RPS6KA2: variants seen among roughly 807,000 people sequenced by gnomAD.
RPS6KA2 encodes ribosomal protein S6 kinase A2.
In RPS6KA2, 42 loss-of-function variants were observed where a neutral mutation model predicts 91.8. The ratio of observed to expected loss-of-function variants is 0.46; its 90% confidence interval spans 0.36 to 0.59. The LOEUF (loss-of-function observed/expected upper bound fraction) is 0.59. RPS6KA2 is among the 20% of genes least tolerant of loss of function. The pLI, the probability that RPS6KA2 is intolerant of heterozygous loss-of-function variation, is 0.00. For synonymous variants in RPS6KA2, 414 were observed against 393.6 expected, an observed-to-expected ratio of 1.05 and a Z score of -0.61; for missense variants, 798 against 978.5, an observed-to-expected ratio of 0.82 and a Z score of 2.46.
intron 2 of RPS6KA2, among the ~76,000 whole-genome samples, chr6:166,755,275 G>A (rs778995171): frequency 4.6e-5 from 7 of 151,954 alleles, no homozygotes; most frequent in Admixed American, 6.6e-5. Context: ...TCTGCTTTCC[G>A]TTTTAGCCTT....
intron 2 of RPS6KA2, among the ~76,000 whole-genome samples, chr6:166,819,676 T>C (rs1388822924): frequency 6.6e-6 from 1 of 152,216 alleles, no homozygotes; most frequent in Non-Finnish European, 1.5e-5. Flanking sequence ...ATTACCTGAA[T>C]TTCATGGAGA....
intron 2 of RPS6KA2, among the ~76,000 whole-genome samples, chr6:166,842,636 G>A (rs937988713): frequency 3.9e-5 from 6 of 152,306 alleles, no homozygotes; most frequent in African/African-American, 1.2e-4. Context: ...TAACGGACCC[G>A]AAGGGCTTTC....
At position 166,423,242 on chromosome 6, in the gene RPS6KA2, C is replaced by T. The variant is rs372710804; in HGVS notation, c.1743+14G>A. 97 of 1,600,094 alleles carry T rather than the reference C, an allele frequency of 6.1e-5. No homozygotes were observed. Among genetic ancestry groups the T allele is most frequent in the Middle Eastern group, 3.3e-4 (2 of 5,990 alleles). ...GGATAGAGAGGCCTGGGTCTGCAGT[C>T]GGGGAATGCTCACCTCCGGGGCCAC... is the stretch of plus-strand genomic sequence containing the variant. On this transcript the variant is annotated intron_variant, in intron 17 of 20. Coordinates refer to ENST00000265678, the MANE Select transcript of RPS6KA2 (RefSeq NM_021135.6). The surrounding 1 kb of genome is among the most constrained non-coding windows in gnomAD (Gnocchi z 4.8).
At chr6:166,805,763 GA>G (rs1469175777) in intron 2 of RPS6KA2, among the ~76,000 whole-genome samples, 2 of 152,038 alleles carry the variant, frequency 1.3e-5, no homozygotes, top group African/African-American at 4.8e-5. Context: ...TCATTCAAAG[GA>G]AAAAAATAAA....
chr6:166,788,749 C>T (rs1778997545), intron 2 of RPS6KA2, among the ~76,000 whole-genome samples: 1 of 152,044 alleles, frequency 6.6e-6, no homozygotes. Context: ...GGGCTTAAAA[C>T]CTAGATGACA....
chr6:166,583,838 C>A (rs1431138908), intron 1 of RPS6KA2, among the ~76,000 whole-genome samples: 1 of 152,202 alleles, frequency 6.6e-6, no homozygotes, highest in African/African-American at 2.4e-5. Flanking sequence ...TTTTCTACAG[C>A]ATTTTACTTC....
At chr6:166,480,657 G>A (rs564132332) in intron 10 of RPS6KA2, among the ~76,000 whole-genome samples, 7 of 151,720 alleles carry the variant, frequency 4.6e-5, no homozygotes, top group Admixed American at 3.3e-4. Flanking sequence ...TGGGATTACA[G>A]GCACCCATCA....
At chr6:166,538,168 G>T (rs1410123979) in intron 2 of RPS6KA2, among the ~76,000 whole-genome samples, 1 of 152,200 alleles carries the variant, frequency 6.6e-6, no homozygotes, top group Non-Finnish European at 1.5e-5. Flanking sequence ...TTTAGTGGGT[G>T]GGGAAGCTGA....
intron 3 of RPS6KA2, among the ~76,000 whole-genome samples, chr6:166,519,108 C>T (rs910896310): frequency 1.3e-5 from 2 of 152,246 alleles, no homozygotes; most frequent in African/African-American, 2.4e-5. Flanking sequence ...TGAGTACGTT[C>T]AAGCCGCCTC....
chr6:166,836,212 T>A (rs1780312255), intron 2 of RPS6KA2, among the ~76,000 whole-genome samples: 1 of 152,098 alleles, frequency 6.6e-6, no homozygotes, highest in Non-Finnish European at 1.5e-5. Context: ...TTTGTTTTTG[T>A]TTTTCTTGTA....
intron 1 of RPS6KA2, chr6:166,586,473 G>A: frequency 6.3e-7 from 1 of 1,597,628 alleles, no homozygotes. Context: ...GGCAGTGTCA[G>A]TCATTCTGAA....
chr6:166,721,355 T>C (rs1053739077), intron 2 of RPS6KA2, among the ~76,000 whole-genome samples: 1 of 152,200 alleles, frequency 6.6e-6, no homozygotes, highest in African/African-American at 2.4e-5. Flanking sequence ...AGAATTCATC[T>C]GACGGCCAGG....
chr6:166,645,548 C>T (rs962019285), intron 2 of RPS6KA2, among the ~76,000 whole-genome samples: 2 of 152,196 alleles, frequency 1.3e-5, no homozygotes, highest in Non-Finnish European at 1.5e-5. Flanking sequence ...GGCTAAGACT[C>T]CACTCCTGGG....
intron 2 of RPS6KA2, among the ~76,000 whole-genome samples, chr6:166,713,111 T>C (rs569818794): frequency 3.3e-5 from 5 of 152,332 alleles, no homozygotes; most frequent in African/African-American, 1.2e-4. Context: ...TGAGCTTCCA[T>C]GACCTCCTCT....
intron 1 of RPS6KA2, among the ~76,000 whole-genome samples, chr6:166,613,628 C>T (rs554324049): frequency 3.7e-4 from 57 of 152,320 alleles, no homozygotes; most frequent in African/African-American, 1.4e-3. Context: ...ATGGCAGCTC[C>T]GAGAGCTTGC....
chr6:166,519,284 G>A (rs368313679), intron 3 of RPS6KA2, among the ~76,000 whole-genome samples: 11 of 152,328 alleles, frequency 7.2e-5, no homozygotes, highest in East Asian at 3.9e-4. Flanking sequence ...AGGCTATAGC[G>A]TCTCTGTGAT....
chr6:166,631,601 G>A (rs1364604617), upstream of RPS6KA2, among the ~76,000 whole-genome samples: 2 of 152,240 alleles, frequency 1.3e-5, no homozygotes, highest in East Asian at 1.9e-4. Context: ...AATCTACAGA[G>A]AGGCTGATCA....
Position 166,737,445 on chromosome 6 carries a change from C to A in RPS6KA2, c.123+120755G>T, listed in dbSNP as rs986976395. 2.0e-5 allele frequency among the ~76,000 whole-genome samples: 3 copies of A among 152,094 alleles called. No homozygotes were observed. The highest frequency in any genetic ancestry group is 7.2e-5 in the African/African-American group (3 of 41,428). ...GCCAGACACCTCGAGAAATGACGCA[C>A]GCCTTACTCATTTATAATCAGCATC... On this transcript the variant is annotated intron_variant, in intron 2 of 21. Coordinates refer to the RPS6KA2 transcript ENST00000503859. The surrounding 1 kb of genome is among the most constrained non-coding windows in gnomAD (Gnocchi z 4.3).
chr6:166,546,754 A>G (rs1172721760), intron 1 of RPS6KA2, among the ~76,000 whole-genome samples: 2 of 152,190 alleles, frequency 1.3e-5, no homozygotes, highest in Non-Finnish European at 2.9e-5. Flanking sequence ...TGATCTCCTC[A>G]TTCTTTTTCA....
Sources: gnomAD v4.1 joint callset for allele counts (sites outside exome capture counted in the v4.1 genomes callset) on GRCh38, gnomAD v4.1.1 for gene constraint, Gnocchi (gnomAD v3.1) non-coding constraint, MANE v1.5 for transcripts, NCBI Gene and HGNC (gene_info 2026-07-23, HGNC 2026-07-21) for gene names.